SDC2: variants seen among roughly 807,000 people sequenced by gnomAD.
SDC2 encodes the protein syndecan 2, also known as syndecan-2.
SDC2 carries 13 observed loss-of-function variants against 22.2 expected under a neutral mutation model. That is an observed-to-expected ratio of 0.59 (90% CI 0.38 to 0.93). The LOEUF is 0.93. SDC2 is among the 40% of genes least tolerant of loss of function. The pLI is 0.00. For synonymous variants in SDC2, 94 were observed against 92.8 expected (o/e 1.01, Z -0.07); for missense variants, 235 against 246.8 (o/e 0.95, Z 0.32).
At position 96,560,798 on chromosome 8, in the gene SDC2, AGC is replaced by A. The variant is rs1814196454; in HGVS notation, c.61-32681_61-32680del. On this transcript the variant is annotated intron_variant, in intron 1 of 4. Transcript: ENST00000302190. ...ACACAGTCCCTAATACCAGGTTAAG[AGC>A]CCCTTTATCTAAAAAGAGAGATATG... Among the ~76,000 whole-genome samples the A allele has an allele frequency of 5.3e-5, 8 of 152,082 alleles. No individual in the cohort carries two copies. The South Asian group carries it at 1.2e-3, about 24-fold the overall frequency.
At position 96,508,912 on chromosome 8, in the gene SDC2, A is replaced by G. The variant is rs773242508; in HGVS notation, c.60+14581A>G. Among the ~76,000 whole-genome samples, 4 of 142,584 alleles carry G rather than the reference A, an allele frequency of 2.8e-5. 1 individual carries two copies. The highest frequency in any genetic ancestry group is 2.1e-4 in the Admixed American group (3 of 14,400). The allele number at this position is 142,584 out of a possible 152,430, so 93.5% of individuals were successfully genotyped here. On this transcript the variant is annotated intron_variant, in intron 1 of 4. Transcript: ENST00000302190. ...TGTCTAATGGTTGCAGCCTCAAATC[A>G]TGAAGTATCTAATGGATGGTTGCAG... is the stretch of plus-strand genomic sequence containing the variant.
intron 1 of SDC2, among the ~76,000 whole-genome samples, chr8:96,550,492 A>G (rs1814009729): frequency 6.6e-6 from 1 of 152,176 alleles, no homozygotes; most frequent in Admixed American, 6.5e-5. Flanking sequence ...GAGGTAGACA[A>G]ATTCCACTGG....
At chr8:96,564,735 G>A (rs1814268877) in intron 1 of SDC2, among the ~76,000 whole-genome samples, 1 of 152,152 alleles carries the variant, frequency 6.6e-6, no homozygotes, top group Non-Finnish European at 1.5e-5. Context: ...AATACCTCAA[G>A]ATTCCAGGTT....
chr8:96,565,893 C>G (rs531814609), intron 1 of SDC2, among the ~76,000 whole-genome samples: 1 of 152,186 alleles, frequency 6.6e-6, no homozygotes, highest in South Asian at 2.1e-4. Flanking sequence ...ACATAGCTGC[C>G]TTGTTACCCC....
chr8:96,547,533 G>A (rs1292893464), intron 1 of SDC2, among the ~76,000 whole-genome samples: 1 of 152,002 alleles, frequency 6.6e-6, no homozygotes, highest in African/African-American at 2.4e-5. Flanking sequence ...ACCTCATCAC[G>A]GTATTCAGTC....
chr8:96,561,136 A>C (rs940570776), intron 1 of SDC2, among the ~76,000 whole-genome samples: 2 of 152,300 alleles, frequency 1.3e-5, no homozygotes, highest in South Asian at 2.1e-4. Flanking sequence ...TAATAATTAA[A>C]AGAGAGACAA....
chr8:96,531,085 C>G (rs1323161045), intron 1 of SDC2, among the ~76,000 whole-genome samples: 1 of 152,206 alleles, frequency 6.6e-6, no homozygotes, highest in Non-Finnish European at 1.5e-5. Flanking sequence ...CGCAGCTGTC[C>G]TGGGGCATTC....
At chr8:96,586,782 C>A (rs1358831288) in intron 1 of SDC2, among the ~76,000 whole-genome samples, 1 of 152,144 alleles carries the variant, frequency 6.6e-6, no homozygotes, top group East Asian at 1.9e-4. Context: ...TTTCCTAATA[C>A]GCATGAGTAA....
intron 1 of SDC2, among the ~76,000 whole-genome samples, chr8:96,528,513 T>TA (rs750474938): frequency 3.3e-5 from 5 of 152,212 alleles, no homozygotes; most frequent in Non-Finnish European, 5.9e-5. Context: ...GGAAAAATGT[T>TA]AAAATAAATT....
At chr8:96,547,435 A>G (rs528526788) in intron 1 of SDC2, among the ~76,000 whole-genome samples, 143 of 152,326 alleles carry the variant, frequency 9.4e-4, no homozygotes, top group African/African-American at 3.2e-3. Context: ...CTTCGCACCA[A>G]CGCTGTCCAC....
chr8:96,506,452 A>G (rs1235034104), intron 1 of SDC2, among the ~76,000 whole-genome samples: 1 of 150,938 alleles, frequency 6.6e-6, no homozygotes, highest in African/African-American at 2.5e-5. Context: ...TACACATCAT[A>G]TATTATATAC....
chr8:96,510,088 C>T (rs112495054), intron 1 of SDC2, among the ~76,000 whole-genome samples: 1,793 of 152,298 alleles, frequency 0.012, 36 homozygotes, highest in African/African-American at 0.04. Context: ...AAGGGACACT[C>T]GTCCTCTTGG....
At chr8:96,512,576 T>C (rs1813344653) in intron 1 of SDC2, among the ~76,000 whole-genome samples, 1 of 152,056 alleles carries the variant, frequency 6.6e-6, no homozygotes, top group Non-Finnish European at 1.5e-5. Context: ...GAATTGGCAT[T>C]TAGACCCAGA....
At chr8:96,518,397 G>C (rs1340289131) in intron 1 of SDC2, among the ~76,000 whole-genome samples, 1 of 139,260 alleles carries the variant, frequency 7.2e-6, no homozygotes, top group Non-Finnish European at 1.5e-5. Flanking sequence ...GTCTCTCTCT[G>C]TCACGCAGGC....
intron 1 of SDC2, among the ~76,000 whole-genome samples, chr8:96,554,782 G>A (rs1814082835): frequency 6.6e-6 from 1 of 152,108 alleles, no homozygotes; most frequent in African/African-American, 2.4e-5. Flanking sequence ...GTTAAGACAG[G>A]TAACTGACTA....
chr8:96,606,353 A>T (rs1563679709), intron 3 of SDC2, among the ~76,000 whole-genome samples: 1 of 152,088 alleles, frequency 6.6e-6, no homozygotes, highest in Non-Finnish European at 1.5e-5. Context: ...CTACCCAGCC[A>T]CCTTTAGCCT....
At chr8:96,590,621 G>A (rs765692386) in intron 1 of SDC2, among the ~76,000 whole-genome samples, 4 of 152,010 alleles carry the variant, frequency 2.6e-5, no homozygotes, top group Non-Finnish European at 4.4e-5. Context: ...TGTCATGAGC[G>A]CAGGGGTTTT....
At chr8:96,518,937 T>G (rs1813452498) in intron 1 of SDC2, among the ~76,000 whole-genome samples, 1 of 152,210 alleles carries the variant, frequency 6.6e-6, no homozygotes, top group South Asian at 2.1e-4. Context: ...TGTGCATGTC[T>G]GTCTTGTCCT....
chr8:96,553,882 C>T (rs1814067211), intron 1 of SDC2, among the ~76,000 whole-genome samples: 1 of 152,024 alleles, frequency 6.6e-6, no homozygotes, highest in Admixed American at 6.6e-5. Context: ...AGGTGATTCT[C>T]CCACCTCAGC....
Sources: gnomAD v4.1 joint callset for allele counts (sites outside exome capture counted in the v4.1 genomes callset) on GRCh38, gnomAD v4.1.1 for gene constraint, MANE v1.5 for transcripts, NCBI Gene and HGNC (gene_info 2026-07-23, HGNC 2026-07-21) for gene names.